Variants in SLBP observed in about 807,000 individuals in gnomAD.
The protein encoded by SLBP is stem-loop histone mRNA binding protein.
Under a neutral mutation model 39.2 loss-of-function variants are expected in SLBP, and 29 were observed. The observed-to-expected ratio is 0.74, with a 90% CI of 0.55 to 1.01. The LOEUF (loss-of-function observed/expected upper bound fraction) is 1.01. Ranked by LOEUF, SLBP falls within the 50% of genes least tolerant of loss-of-function variation. The probability of loss-of-function intolerance (pLI) is 0.00; values close to 1 mark genes in which losing one functional copy is unlikely to be tolerated. For synonymous variants in SLBP, 129 were observed against 118.7 expected (o/e 1.09, Z -0.57); for missense variants, 390 against 350.2 (o/e 1.11, Z -0.91).
At chr4:1,702,241 A>G (rs1716355960) in intron 3 of SLBP, among the ~76,000 whole-genome samples, 1 of 152,230 alleles carries the variant, frequency 6.6e-6, no homozygotes, top group African/African-American at 2.4e-5. Context: ...CAAGACCTAT[A>G]TAAATGCAAT....
chr4:1,705,207 G>A (rs1716473869), intron 2 of SLBP, among the ~76,000 whole-genome samples: 1 of 152,080 alleles, frequency 6.6e-6, no homozygotes. Flanking sequence ...GATTATAGCT[G>A]TGAGCCACCG....
At chr4:1,702,469 C>T (rs1431403368) in intron 3 of SLBP, among the ~76,000 whole-genome samples, 2 of 152,204 alleles carry the variant, frequency 1.3e-5, no homozygotes, top group African/African-American at 2.4e-5. Context: ...GTCTAGGTAT[C>T]GTTCCGCGGC....
At chr4:1,705,636 G>C (rs1716488851) in intron 2 of SLBP, among the ~76,000 whole-genome samples, 2 of 152,258 alleles carry the variant, frequency 1.3e-5, no homozygotes, top group South Asian at 2.1e-4. Context: ...ACAGTACTGA[G>C]GGATGATAAT....
intron 3 of SLBP, 135 bp from the exon 4 acceptor site, chr4:1,700,205 C>A: frequency 6.1e-6 from 3 of 490,244 alleles, no homozygotes; most frequent in South Asian, 4.1e-5. Flanking sequence ...CAAAAGAAAT[C>A]TTTGTCAGGT....
chr4:1,709,486 G>C (rs1015765945), intron 2 of SLBP, among the ~76,000 whole-genome samples: 1 of 152,154 alleles, frequency 6.6e-6, no homozygotes, highest in Non-Finnish European at 1.5e-5. Context: ...AGTTAAGCCC[G>C]CTCCCACTAG....
At chr4:1,706,563 C>T (rs756567939) in intron 2 of SLBP, among the ~76,000 whole-genome samples, 4 of 151,592 alleles carry the variant, frequency 2.6e-5, no homozygotes, top group East Asian at 2.0e-4. Context: ...CCTAGCACCT[C>T]GGGAGGCTGA....
chr4:1,700,378 A>G (rs1052019441), intron 3 of SLBP, among the ~76,000 whole-genome samples: 3 of 152,114 alleles, frequency 2.0e-5, no homozygotes, highest in Admixed American at 6.6e-5. Context: ...ACCTTCTCCA[A>G]TCCTGGAGAC....
intron 2 of SLBP, among the ~76,000 whole-genome samples, chr4:1,710,848 G>C (rs550933876): frequency 6.6e-6 from 1 of 151,482 alleles, no homozygotes; most frequent in African/African-American, 2.4e-5. Context: ...TCAGGAGTTC[G>C]ACACCAGTCT....
At chr4:1,700,412 TTCC>T (rs1279507196) in intron 3 of SLBP, among the ~76,000 whole-genome samples, 6 of 152,310 alleles carry the variant, frequency 3.9e-5, no homozygotes, top group African/African-American at 1.4e-4. Flanking sequence ...TTTTCTCTTG[TTCC>T]TCATGAACTT....
intron 2 of SLBP, among the ~76,000 whole-genome samples, chr4:1,710,705 T>A (rs1413674365): frequency 1.3e-5 from 2 of 151,772 alleles, no homozygotes; most frequent in Non-Finnish European, 2.9e-5. Flanking sequence ...AGTTCACCCG[T>A]GGAGATATTT....
chr4:1,701,223 G>A (rs959010376), intron 3 of SLBP, among the ~76,000 whole-genome samples: 4 of 145,774 alleles, frequency 2.7e-5, no homozygotes, highest in Non-Finnish European at 6.0e-5. Flanking sequence ...TCGGCTCAGT[G>A]CAACCTCCGC....
intron 2 of SLBP, among the ~76,000 whole-genome samples, chr4:1,709,837 T>G (rs1265725783): frequency 1.3e-5 from 2 of 152,214 alleles, no homozygotes; most frequent in Non-Finnish European, 2.9e-5. Flanking sequence ...GGTCTCCATC[T>G]CCTGACCTCG....
At chr4:1,709,564 G>A (rs905364526) in intron 2 of SLBP, among the ~76,000 whole-genome samples, 3 of 151,402 alleles carry the variant, frequency 2.0e-5, no homozygotes, top group Non-Finnish European at 2.9e-5. Flanking sequence ...CTATAATTAC[G>A]CCTATGACGC....
At chr4:1,710,123 C>A (rs1716682402) in intron 2 of SLBP, among the ~76,000 whole-genome samples, 1 of 152,150 alleles carries the variant, frequency 6.6e-6, no homozygotes, top group Non-Finnish European at 1.5e-5. Flanking sequence ...AGGTGATGGG[C>A]CCGCCTTGGC....
At position 1,698,844 on chromosome 4, in the gene SLBP, G is replaced by A. The variant is rs909140368; in HGVS notation, c.479+720C>T. ...CATACTCTGCAGCCCAGGCTGGAGT[G>A]CAGTGGTGTGATTAATGGTTCACTG... On this transcript the variant is annotated intron_variant, in intron 5 of 7. Coordinates refer to ENST00000489418, the MANE Select transcript of SLBP (RefSeq NM_006527.4). 2.0e-5 allele frequency among the ~76,000 whole-genome samples: 3 copies of A among 151,686 alleles called. No individual in the cohort carries two copies. In the East Asian group the frequency reaches 5.8e-4, roughly 29 times the overall value.
rs115955244 is a variant in SLBP, at chr4:1,695,373, G to A, written c.630-533C>T. On this transcript the variant is annotated intron_variant, in intron 6 of 7. Coordinates refer to ENST00000489418, the MANE Select transcript of SLBP (RefSeq NM_006527.4). Reference sequence around the variant, plus strand: ...TGAGGAAGCGAGAGGCTCAGGACCAGAGGGGAGCTGAGAAGAAACCCCACA... The same window carrying A: ...TGAGGAAGCGAGAGGCTCAGGACCAAAGGGGAGCTGAGAAGAAACCCCACA... Among the ~76,000 whole-genome samples the A allele has an allele frequency of 4.2e-3, 633 of 152,340 alleles. 6 individuals carry two copies. The highest frequency in any genetic ancestry group is 0.014 in the African/African-American group (601 of 41,566).
chr4:1,695,328 G>T (rs1280644614), intron 6 of SLBP, among the ~76,000 whole-genome samples: 1 of 152,172 alleles, frequency 6.6e-6, no homozygotes, highest in East Asian at 1.9e-4. Context: ...AACTCTAATT[G>T]TTTGTTTAAA....
intron 3 of SLBP, among the ~76,000 whole-genome samples, chr4:1,703,351 G>A (rs762372490): frequency 2.6e-5 from 4 of 152,034 alleles, no homozygotes; most frequent in Non-Finnish European, 4.4e-5. Flanking sequence ...AGAGGACAGT[G>A]GTCTTCAAGC....
chr4:1,708,871 T>A (rs1041730900), intron 2 of SLBP, among the ~76,000 whole-genome samples: 1 of 152,212 alleles, frequency 6.6e-6, no homozygotes, highest in Admixed American at 6.5e-5. Flanking sequence ...GACAGAAGCA[T>A]TCCTATAGTT....
Sources: allele counts gnomAD v4.1 joint callset (sites outside exome capture counted in the v4.1 genomes callset), GRCh38; gene constraint gnomAD v4.1.1; transcripts MANE v1.5; gene names NCBI Gene and HGNC (gene_info 2026-07-23, HGNC 2026-07-21).